The following ZNF407 variants were observed in gnomAD, a reference collection of about 807,000 sequenced individuals.
ZNF407 encodes zinc finger protein 407.
A neutral mutation model predicts 131.2 loss-of-function variants in ZNF407; 17 were observed. The ratio of observed to expected loss-of-function variants is 0.13; its 90% CI spans 0.09 to 0.19. The LOEUF (loss-of-function observed/expected upper bound fraction) is 0.19. Among genes scored for constraint, ZNF407 ranks in the 10% least tolerant of loss-of-function variants. The pLI is 1.00. For missense variants in ZNF407, 2,681 were observed against 2,830.6 expected (o/e 0.95, Z 1.20); for synonymous variants, 1,156 against 1,062.0 (o/e 1.09, Z -1.72).
At chr18:74,906,379 C>G (rs1188602866) in intron 7 of ZNF407, among the ~76,000 whole-genome samples, 1 of 152,206 alleles carries the variant, frequency 6.6e-6, no homozygotes, top group Non-Finnish European at 1.5e-5. Context: ...AGGATCCAGG[C>G]ACGTAAGCAC....
At chr18:74,990,918 G>C (rs1476354193) in intron 8 of ZNF407, among the ~76,000 whole-genome samples, 1 of 152,160 alleles carries the variant, frequency 6.6e-6, no homozygotes, top group Non-Finnish European at 1.5e-5. Flanking sequence ...TTGTCTTCAA[G>C]ACACAGATGG....
chr18:74,790,478 TGTTTTTAA>T (rs1335097280), intron 4 of ZNF407, among the ~76,000 whole-genome samples: 2 of 152,222 alleles, frequency 1.3e-5, no homozygotes, highest in African/African-American at 2.4e-5. Context: ...GAATATCTGC[TGTTTTTAA>T]GTTTTTAAGA....
At chr18:75,027,887 G>A (rs1013666045) in intron 8 of ZNF407, among the ~76,000 whole-genome samples, 1 of 152,160 alleles carries the variant, frequency 6.6e-6, no homozygotes, top group South Asian at 2.1e-4. Flanking sequence ...ACGAGACATG[G>A]TCAGAATGAG....
At chr18:74,813,868 A>G (rs1970232827) in intron 4 of ZNF407, among the ~76,000 whole-genome samples, 1 of 152,136 alleles carries the variant, frequency 6.6e-6, no homozygotes, top group Admixed American at 6.5e-5. Context: ...GGAAGTGGAA[A>G]TTCCTAATTT....
At chr18:74,614,162 T>C (rs1983182920) in intron 1 of ZNF407, among the ~76,000 whole-genome samples, 1 of 152,254 alleles carries the variant, frequency 6.6e-6, no homozygotes, top group African/African-American at 2.4e-5. Context: ...TGGTTACTAC[T>C]AAGGTAGTAA....
At chr18:74,794,115 C>T (rs1202224710) in intron 4 of ZNF407, among the ~76,000 whole-genome samples, 1 of 152,150 alleles carries the variant, frequency 6.6e-6, no homozygotes, top group Admixed American at 6.5e-5. Context: ...TGTCACTGAG[C>T]TCTGCTTCAG....
chr18:74,969,734 G>C (rs1972450416), intron 8 of ZNF407, among the ~76,000 whole-genome samples: 2 of 152,184 alleles, frequency 1.3e-5, no homozygotes, highest in Admixed American at 1.3e-4. Flanking sequence ...TGTGGTAACT[G>C]GGTCTCTTTT....
chr18:74,684,234 T>C (rs1028014548), intron 3 of ZNF407, among the ~76,000 whole-genome samples: 3 of 152,102 alleles, frequency 2.0e-5, no homozygotes, highest in Non-Finnish European at 4.4e-5. Context: ...ATTTTTTTTT[T>C]CCAGGGTAAC....
At chr18:74,648,497 C>T (rs1033788589) in intron 3 of ZNF407, among the ~76,000 whole-genome samples, 4 of 152,098 alleles carry the variant, frequency 2.6e-5, no homozygotes, top group Non-Finnish European at 4.4e-5. Flanking sequence ...GTTTTCTGGA[C>T]TGTGTGTAGG....
intron 8 of ZNF407, among the ~76,000 whole-genome samples, chr18:74,982,292 G>A (rs930871352): frequency 6.6e-6 from 1 of 152,162 alleles, no homozygotes; most frequent in Admixed American, 6.5e-5. Context: ...TAACCTTAAA[G>A]CCCGTTATTG....
At chr18:74,801,973 A>C (rs1163355329) in intron 4 of ZNF407, among the ~76,000 whole-genome samples, 1 of 151,970 alleles carries the variant, frequency 6.6e-6, no homozygotes, top group Non-Finnish European at 1.5e-5. Flanking sequence ...TTTCCTTTTC[A>C]TTTTTGTCAG....
intron 8 of ZNF407, among the ~76,000 whole-genome samples, chr18:74,978,976 G>A (rs1021321803): frequency 3.9e-5 from 6 of 152,176 alleles, no homozygotes; most frequent in African/African-American, 1.4e-4. Flanking sequence ...ACCTGTGGAG[G>A]CTGCTGTGTA....
At chr18:74,989,290 A>T (rs908467453) in intron 8 of ZNF407, among the ~76,000 whole-genome samples, 1 of 152,200 alleles carries the variant, frequency 6.6e-6, no homozygotes, top group Non-Finnish European at 1.5e-5. Flanking sequence ...GATTGACAGG[A>T]TGTGGGAGGT....
At chr18:74,900,522 G>T (rs1049810531) in intron 7 of ZNF407, among the ~76,000 whole-genome samples, 2 of 152,198 alleles carry the variant, frequency 1.3e-5, no homozygotes, top group Middle Eastern at 3.2e-3. Flanking sequence ...AATTTAACAA[G>T]CTGCTTGCTG....
chr18:74,980,293 A>G lies in ZNF407; in HGVS notation c.5428+59601A>G, dbSNP rs1334387404. ...TTTTCTTTAAAGAGTCACTGGACAC[A>G]GTGTTAATTGCTGAATTTCTTTTTG... On this transcript the variant is annotated intron_variant, in intron 8 of 8. Coordinates refer to ENST00000299687, the MANE Select transcript of ZNF407 (RefSeq NM_017757.3). 3.4e-5 allele frequency among the ~76,000 whole-genome samples: 5 copies of G among 147,942 alleles called. No homozygotes were observed. The East Asian group carries it at 9.9e-4, about 29-fold the overall frequency.
chr18:74,637,046 T>C (rs1984496800), intron 2 of ZNF407, among the ~76,000 whole-genome samples: 1 of 152,208 alleles, frequency 6.6e-6, no homozygotes, highest in East Asian at 1.9e-4. Flanking sequence ...TATGCAACTG[T>C]CTGGTCAAGA....
intron 8 of ZNF407, among the ~76,000 whole-genome samples, chr18:75,016,181 G>A (rs1973041979): frequency 6.6e-6 from 1 of 152,036 alleles, no homozygotes; most frequent in Admixed American, 6.6e-5. Flanking sequence ...CGTGGTGGAT[G>A]TTGATTTGTG....
At chr18:74,657,255 GA>G (rs757785321) in intron 3 of ZNF407, among the ~76,000 whole-genome samples, 4 of 151,888 alleles carry the variant, frequency 2.6e-5, no homozygotes, top group Non-Finnish European at 5.9e-5. Flanking sequence ...GTATAATTAT[GA>G]AAAAATGATA....
At chr18:74,845,210 C>A (rs1970685642) in intron 4 of ZNF407, among the ~76,000 whole-genome samples, 1 of 152,194 alleles carries the variant, frequency 6.6e-6, no homozygotes, top group Non-Finnish European at 1.5e-5. Context: ...AAAGAAAGCA[C>A]TGTGATATGT....
Sources: gnomAD v4.1 joint callset for allele counts (sites outside exome capture counted in the v4.1 genomes callset) on GRCh38, gnomAD v4.1.1 for gene constraint, MANE v1.5 for transcripts, NCBI Gene and HGNC (gene_info 2026-07-23, HGNC 2026-07-21) for gene names.